Variants in SGK1 observed in about 807,000 individuals in gnomAD.
The protein encoded by SGK1 is serine/threonine-protein kinase Sgk1.
A neutral mutation model predicts 64.2 loss-of-function variants in SGK1; 26 were observed. The ratio of observed to expected loss-of-function variants is 0.40; its 90% confidence interval spans 0.30 to 0.56. SGK1 has a LOEUF of 0.56. Among genes scored for constraint, SGK1 ranks in the 20% least tolerant of loss-of-function variants. SGK1 has a pLI of 0.38. For synonymous variants in SGK1, 265 were observed against 239.7 expected (o/e 1.11, Z -0.98); for missense variants, 519 against 645.6 (o/e 0.80, Z 2.12).
rs1200222743 is a variant in SGK1, at chr6:134,246,155, C to CT, written c.285+15777dup. ...GAGGCTTGTTTCTTTTCTTTTTTTT[C>CT]TTTTTTTTTTGAGATGGAGTTTCAC... On this transcript the variant is annotated intron_variant, in intron 2 of 13. Coordinates refer to ENST00000367858, the MANE Select transcript of SGK1 (RefSeq NM_001143676.3). Among the ~76,000 whole-genome samples the CT allele has an allele frequency of 3.8e-3, 559 of 146,678 alleles. 2 individuals are homozygous for CT. Among genetic ancestry groups the CT allele is most frequent in the African/African-American group, 9.4e-3 (375 of 40,064 alleles).
chr6:134,291,613 C>T (rs9493885), intron 1 of SGK1, among the ~76,000 whole-genome samples: 2 of 152,122 alleles, frequency 1.3e-5, no homozygotes, highest in Admixed American at 6.6e-5. Context: ...CTTAAAATGA[C>T]GAATAACTCT....
intron 2 of SGK1, among the ~76,000 whole-genome samples, chr6:134,255,436 A>C (rs888594832): frequency 1.3e-5 from 2 of 151,908 alleles, no homozygotes; most frequent in East Asian, 3.9e-4. Context: ...TAATCCCAGC[A>C]CTTTGGGAGG....
At chr6:134,253,322 G>A (rs1185180305) in intron 2 of SGK1, among the ~76,000 whole-genome samples, 3 of 150,610 alleles carry the variant, frequency 2.0e-5, no homozygotes, top group African/African-American at 7.3e-5. Context: ...TGTGGAGAAC[G>A]GGGTCTCGCT....
At chr6:134,212,054 TTTTTG>T (rs1338317626) in intron 2 of SGK1, among the ~76,000 whole-genome samples, 1 of 66,418 alleles carries the variant, frequency 1.5e-5, no homozygotes, top group Non-Finnish European at 3.8e-5. Context: ...TGTTTTTTGT[TTTTTG>T]TTTTTTTTGG....
At chr6:134,254,845 A>C (rs1476150442) in intron 2 of SGK1, among the ~76,000 whole-genome samples, 2 of 152,138 alleles carry the variant, frequency 1.3e-5, no homozygotes, top group Non-Finnish European at 2.9e-5. Context: ...ATACCATGGG[A>C]TATGTCAATA....
intron 3 of SGK1, chr6:134,175,988 C>A: frequency 9.2e-7 from 1 of 1,085,768 alleles, no homozygotes; most frequent in Non-Finnish European, 1.1e-6. Context: ...GAAGTACAAT[C>A]TGCATTTCAC....
chr6:134,283,905 A>T (rs1454625718), intron 1 of SGK1, among the ~76,000 whole-genome samples: 1 of 134,002 alleles, frequency 7.5e-6, no homozygotes, highest in Non-Finnish European at 1.6e-5. Flanking sequence ...AAAAAAAAAA[A>T]AGCCTGACCA....
At chr6:134,275,257 C>T (rs1777002975) in intron 1 of SGK1, among the ~76,000 whole-genome samples, 1 of 151,978 alleles carries the variant, frequency 6.6e-6, no homozygotes, top group Non-Finnish European at 1.5e-5. Flanking sequence ...ATGTTGCCCA[C>T]ACTGGTCTTA....
intron 2 of SGK1, among the ~76,000 whole-genome samples, chr6:134,220,069 AAAAAAAAAAAAAAAAAAAG>A (rs1360152001): frequency 7.0e-6 from 1 of 143,782 alleles, no homozygotes. Context: ...AAAAAAAAAA[AAAAAAAAAAAAAAAAAAAG>A]AAAAGAAAAG....
intron 2 of SGK1, among the ~76,000 whole-genome samples, chr6:134,215,693 C>T (rs1433058711): frequency 1.3e-5 from 2 of 151,766 alleles, no homozygotes; most frequent in African/African-American, 4.8e-5. Context: ...CCAGCCTGGC[C>T]AAAATGGCAA....
intron 2 of SGK1, among the ~76,000 whole-genome samples, chr6:134,212,800 A>G (rs981676745): frequency 6.6e-6 from 1 of 152,208 alleles, no homozygotes; most frequent in African/African-American, 2.4e-5. Context: ...TTGATTTTCT[A>G]CAGTAACTAT....
intron 3 of SGK1, chr6:134,175,822 CT>C: frequency 8.0e-7 from 1 of 1,251,438 alleles, no homozygotes; most frequent in Admixed American, 4.2e-5. Context: ...CCGAAAACGC[CT>C]TTTTTGTGCT....
intron 1 of SGK1, among the ~76,000 whole-genome samples, chr6:134,306,916 G>C (rs1423314871): frequency 1.4e-5 from 2 of 146,564 alleles, no homozygotes; most frequent in Admixed American, 6.8e-5. Flanking sequence ...ATAAAAGGGG[G>C]GGGGGGCGGA....
At chr6:134,175,951 A>G in intron 3 of SGK1, 1 of 1,164,812 alleles carries the variant, frequency 8.6e-7, no homozygotes, top group Non-Finnish European at 1.1e-6. Flanking sequence ...GGGGGCGGAA[A>G]TAAAAGTCGT....
intron 2 of SGK1, among the ~76,000 whole-genome samples, chr6:134,256,800 G>T (rs948497417): frequency 6.6e-6 from 1 of 152,026 alleles, no homozygotes; most frequent in Admixed American, 6.6e-5. Context: ...AGCACTCCTC[G>T]GGATATCACA....
chr6:134,307,546 C>T (rs978829833), intron 1 of SGK1, among the ~76,000 whole-genome samples: 1 of 152,144 alleles, frequency 6.6e-6, no homozygotes, highest in Non-Finnish European at 1.5e-5. Context: ...TGCATATAGC[C>T]AATGCATACC....
At chr6:134,266,128 C>G (rs1582752064) in intron 1 of SGK1, among the ~76,000 whole-genome samples, 2 of 151,874 alleles carry the variant, frequency 1.3e-5, no homozygotes, top group East Asian at 3.9e-4. Flanking sequence ...GAATTACAGG[C>G]ACCGTGCCCC....
intron 2 of SGK1, among the ~76,000 whole-genome samples, chr6:134,253,499 G>GA (rs1480662228): frequency 3.6e-4 from 55 of 151,176 alleles, no homozygotes; most frequent in African/African-American, 1.2e-3. Context: ...ATTTAAAAAA[G>GA]AAAAAAAACA....
At chr6:134,188,908 CTTTTTTTTTTTTT>C (rs34316759) in intron 3 of SGK1, among the ~76,000 whole-genome samples, 2 of 110,220 alleles carry the variant, frequency 1.8e-5, no homozygotes, top group Non-Finnish European at 3.7e-5. Flanking sequence ...ATTTCTTTTT[CTTTTTTTTTTTTT>C]TTTTTTTTGA....
Sources: allele counts gnomAD v4.1 joint callset (sites outside exome capture counted in the v4.1 genomes callset), GRCh38; gene constraint gnomAD v4.1.1; transcripts MANE v1.5; gene names NCBI Gene and HGNC (gene_info 2026-07-23, HGNC 2026-07-21).